MAPK8: variants seen among roughly 807,000 people sequenced by gnomAD.
MAPK8 encodes JUN N-terminal kinase.
MAPK8 carries 13 observed loss-of-function variants against 52.9 expected under a neutral mutation model. That is an observed-to-expected ratio of 0.25 (90% CI 0.16 to 0.39). MAPK8 has a LOEUF of 0.39. Among genes scored for constraint, MAPK8 ranks in the 10% least tolerant of loss-of-function variants. MAPK8 has a pLI of 1.00. For synonymous variants in MAPK8, 191 were observed against 169.8 expected, an observed-to-expected ratio of 1.12 and a Z score of -0.97; for missense variants, 300 against 519.2, an observed-to-expected ratio of 0.58 and a Z score of 4.10.
In MAPK8 at chr10:48,405,860, G is replaced by T. The variant is rs2042436042; in HGVS notation, c.252+879G>T. Reference sequence around the variant, plus strand: ...GAGATCTAAATATGTGCAGGCCTCTGTGTATTGGAGTTACTGGGTTCATTA... The same window carrying T: ...GAGATCTAAATATGTGCAGGCCTCTTTGTATTGGAGTTACTGGGTTCATTA... On this transcript the variant is annotated intron_variant, in intron 3 of 11. Coordinates refer to ENST00000374189, the MANE Select transcript of MAPK8 (RefSeq NM_001323329.2). Among the ~76,000 whole-genome samples, 4 of 149,282 alleles carry T rather than the reference G, an allele frequency of 2.7e-5. No homozygotes were observed. The Admixed American group carries it at 2.7e-4, about 10-fold the overall frequency.
At chr10:48,421,341 A>T (rs2043342672) in intron 6 of MAPK8, among the ~76,000 whole-genome samples, 1 of 152,174 alleles carries the variant, frequency 6.6e-6, no homozygotes, top group Admixed American at 6.6e-5. Flanking sequence ...TGAAATTTGA[A>T]GTTTTTTATT....
chr10:48,424,651 G>T, intron 7 of MAPK8: 1 of 1,060,984 alleles, frequency 9.4e-7, no homozygotes, highest in Non-Finnish European at 1.4e-6. Flanking sequence ...ACTTCAGTTT[G>T]GTCAGGTATA....
chr10:48,431,990 A>G (rs963119180), intron 11 of MAPK8, among the ~76,000 whole-genome samples: 2 of 152,310 alleles, frequency 1.3e-5, no homozygotes, highest in African/African-American at 2.4e-5. Flanking sequence ...CAGAAATTTG[A>G]AGTAACATAA....
chr10:48,311,404 C>T (rs1335391433), intron 1 of MAPK8, among the ~76,000 whole-genome samples: 1 of 152,166 alleles, frequency 6.6e-6, no homozygotes, highest in African/African-American at 2.4e-5. Context: ...CAGTAATCCT[C>T]TCTATCTTAA....
chr10:48,322,419 C>T (rs957027272), intron 1 of MAPK8, among the ~76,000 whole-genome samples: 2 of 152,034 alleles, frequency 1.3e-5, no homozygotes, highest in African/African-American at 4.8e-5. Flanking sequence ...GGGAATGATG[C>T]TATCTCCTTC....
chr10:48,318,362 G>A (rs913681837), intron 1 of MAPK8, among the ~76,000 whole-genome samples: 5 of 152,102 alleles, frequency 3.3e-5, no homozygotes, highest in Admixed American at 6.5e-5. Flanking sequence ...GAATAACTGG[G>A]TACTACAGAC....
At chr10:48,355,413 G>A (rs1411984158) in intron 1 of MAPK8, among the ~76,000 whole-genome samples, 1 of 150,880 alleles carries the variant, frequency 6.6e-6, no homozygotes, top group Non-Finnish European at 1.5e-5. Context: ...GGAGGCTGAG[G>A]CAGGAGAATG....
chr10:48,420,954 T>C (rs2043318489), intron 6 of MAPK8, among the ~76,000 whole-genome samples: 1 of 152,232 alleles, frequency 6.6e-6, no homozygotes, highest in Non-Finnish European at 1.5e-5. Flanking sequence ...AATTTAAACA[T>C]TTTGTATGCA....
At chr10:48,375,041 T>G (rs1356975023) in intron 1 of MAPK8, among the ~76,000 whole-genome samples, 1 of 151,714 alleles carries the variant, frequency 6.6e-6, no homozygotes, top group African/African-American at 2.4e-5. Context: ...TTATCCACCA[T>G]GATCAAGTCT....
At position 48,357,274 on chromosome 10, in the gene MAPK8, A is replaced by G. The variant is rs187180479; in HGVS notation, c.-49-44338A>G. Among the ~76,000 whole-genome samples, 488 of 152,242 alleles carry G rather than the reference A, an allele frequency of 3.2e-3. 2 individuals are homozygous for G. Among genetic ancestry groups the G allele is most frequent in the Middle Eastern group, 6.8e-3 (2 of 294 alleles). On this transcript the variant is annotated intron_variant, in intron 1 of 11. Coordinates refer to ENST00000374189, the MANE Select transcript of MAPK8 (RefSeq NM_001323329.2). ...TCACATCCTGTTTTTCACCACTCAT[A>G]ATTGGTTTTCTGTGCCTTCTTTGTT...
intron 1 of MAPK8, among the ~76,000 whole-genome samples, chr10:48,314,280 A>G (rs1842280186): frequency 6.6e-6 from 1 of 151,922 alleles, no homozygotes; most frequent in African/African-American, 2.4e-5. Context: ...TCATCCTATC[A>G]TGGGGGCTCC....
At chr10:48,393,770 TTTTAAGA>T (rs1554827636) in intron 1 of MAPK8, among the ~76,000 whole-genome samples, 1 of 152,026 alleles carries the variant, frequency 6.6e-6, no homozygotes, top group Non-Finnish European at 1.5e-5. Flanking sequence ...TAAGATTGCA[TTTTAAGA>T]AACTAAAAGA....
Position 48,425,915 on chromosome 10 carries a change from A to G in MAPK8, c.716A>G (p.Glu239Gly). The change falls in exon 8 of 12, where the codon GAA (glutamate) becomes GGA (glycine). Residue 239 changes from glutamate (E) to glycine (G), a missense_variant. Transcript: ENST00000374189. The part of the protein sequence containing the change: ...DYIDQWNKVI[E>G]QLGTPCPEFM... ...ATTGATCAGTGGAATAAAGTTATTGAACAGCTTGGAACACCATGTCCTGAA... is the reference window on the plus strand; with the variant it reads ...ATTGATCAGTGGAATAAAGTTATTGGACAGCTTGGAACACCATGTCCTGAA... 6.2e-7 allele frequency: 1 copy of G among 1,608,320 alleles called. No homozygotes were observed. Among genetic ancestry groups the G allele is most frequent in the African/African-American group, 1.3e-5 (1 of 74,878 alleles).
rs1318330595 is a variant in MAPK8, at chr10:48,426,520, A to G, written c.996+16A>G. ...AGCAGAAGCTGTAAGTTATTTTCTT[A>G]ATGTTTACAGAACATATTGCATTCT... is the stretch of plus-strand genomic sequence containing the variant. On this transcript the variant is annotated intron_variant, in intron 9 of 11. Coordinates refer to ENST00000374189, the MANE Select transcript of MAPK8 (RefSeq NM_001323329.2). The G allele has an allele frequency of 6.2e-7, 1 of 1,605,130 alleles. No homozygotes were observed.
chr10:48,335,595 C>T (rs181702067), intron 1 of MAPK8, among the ~76,000 whole-genome samples: 1 of 152,100 alleles, frequency 6.6e-6, no homozygotes, highest in African/African-American at 2.4e-5. Context: ...GTGATAGGCA[C>T]ACTTTGTTCA....
chr10:48,321,013 A>G (rs755636252), intron 1 of MAPK8, among the ~76,000 whole-genome samples: 7 of 149,716 alleles, frequency 4.7e-5, no homozygotes, highest in Non-Finnish European at 8.9e-5. Context: ...CCACTTTTAT[A>G]TCTTCTGGAG....
chr10:48,396,474 G>A (rs1801605335), intron 1 of MAPK8, among the ~76,000 whole-genome samples: 1 of 152,186 alleles, frequency 6.6e-6, no homozygotes, highest in African/African-American at 2.4e-5. Flanking sequence ...AGAGGAACTA[G>A]ATCTTTCACA....
chr10:48,349,083 C>T (rs561511873), intron 1 of MAPK8, among the ~76,000 whole-genome samples: 10 of 152,148 alleles, frequency 6.6e-5, no homozygotes, highest in African/African-American at 2.4e-4. Flanking sequence ...GCTAACTCTC[C>T]TAAATATATA....
intron 1 of MAPK8, among the ~76,000 whole-genome samples, chr10:48,337,324 G>A (rs1036675028): frequency 2.0e-5 from 3 of 152,086 alleles, no homozygotes; most frequent in Non-Finnish European, 4.4e-5. Flanking sequence ...TGAAAGCCAC[G>A]TAAGTACATG....
Sources: allele counts gnomAD v4.1 joint callset (sites outside exome capture counted in the v4.1 genomes callset), GRCh38; gene constraint gnomAD v4.1.1; transcripts MANE v1.5; gene names NCBI Gene and HGNC (gene_info 2026-07-23, HGNC 2026-07-21).